The following EVC2 variants were observed in gnomAD, a reference collection of about 807,000 sequenced individuals.
EVC2 encodes the protein EvC ciliary complex subunit 2, also known as limbin.
EVC2 carries 148 observed loss-of-function variants against 149.3 expected under a neutral mutation model. The observed-to-expected ratio is 0.99, with a 90% CI of 0.87 to 1.14. The LOEUF (loss-of-function observed/expected upper bound fraction) is 1.14, where lower values mean the gene tolerates loss of function less well. EVC2 is among the 50% of genes most tolerant of loss of function. The pLI, the probability that EVC2 is intolerant of heterozygous loss-of-function variation, is 0.00. For missense variants in EVC2, 1,854 were observed against 1,627.3 expected, an observed-to-expected ratio of 1.14 and a Z score of -2.40; for synonymous variants, 776 against 649.9, an observed-to-expected ratio of 1.19 and a Z score of -2.95.
rs117138698 is a variant in EVC2 at position 5,700,912 on chromosome 4, T to C, written c.229-3265A>G. On this transcript the variant is annotated intron_variant, in intron 1 of 21. Coordinates refer to ENST00000344408, the MANE Select transcript of EVC2 (RefSeq NM_147127.5). ...CCATTCGATATGTGCTTATTGCAGC[T>C]TCCCGTGGCTGCTGTACACATCACT... 2.0e-4 allele frequency among the ~76,000 whole-genome samples: 31 copies of C among 152,338 alleles called. No homozygotes were observed. The East Asian group carries it at 5.2e-3, about 26-fold the overall frequency.
At chr4:5,544,253 A>C (rs1392369152) in intron 21 of EVC2, among the ~76,000 whole-genome samples, 1 of 152,144 alleles carries the variant, frequency 6.6e-6, no homozygotes, top group African/African-American at 2.4e-5. Flanking sequence ...GTTATGGAAA[A>C]AAAAAAAAAG....
intron 10 of EVC2, among the ~76,000 whole-genome samples, chr4:5,634,105 T>C (rs1716736191): frequency 6.6e-6 from 1 of 152,226 alleles, no homozygotes; most frequent in Admixed American, 6.5e-5. Flanking sequence ...TCAAAGGCTT[T>C]TATGTGCATC....
chr4:5,542,885 G>A (rs1721541748), exon 23 of EVC2: 1 of 320,354 alleles, frequency 3.1e-6, no homozygotes, highest in Non-Finnish European at 6.1e-6. Context: ...GCTCTCCCAG[G>A]CCCTTCCTTG....
At chr4:5,548,639 A>G (rs2108758266) in intron 21 of EVC2, among the ~76,000 whole-genome samples, 1 of 152,272 alleles carries the variant, frequency 6.6e-6, no homozygotes, top group South Asian at 2.1e-4. Flanking sequence ...GTGGTTGATT[A>G]TTGTTATGTG....
At chr4:5,535,461 G>A in the EVC2 span, among the ~76,000 whole-genome samples, 1 of 152,106 alleles carries the variant, frequency 6.6e-6, no homozygotes, top group African/African-American at 2.4e-5. The surrounding 1 kb of genome is among the most constrained non-coding windows in gnomAD (Gnocchi z 4.7). Flanking sequence ...AGGCACATAT[G>A]GTCTCAGTTG....
intron 9 of EVC2, among the ~76,000 whole-genome samples, chr4:5,651,219 A>G (rs1003642028): frequency 5.3e-5 from 8 of 149,722 alleles, no homozygotes; most frequent in Non-Finnish European, 1.0e-4. Flanking sequence ...GCTGGATGGA[A>G]GATTGGATGG....
At chr4:5,703,537 C>T (rs976742863) in intron 1 of EVC2, among the ~76,000 whole-genome samples, 5 of 152,198 alleles carry the variant, frequency 3.3e-5, no homozygotes, top group Admixed American at 2.6e-4. Flanking sequence ...AGAACTCACA[C>T]TTCTAGACTC....
intron 21 of EVC2, among the ~76,000 whole-genome samples, chr4:5,545,218 A>C (rs916826740): frequency 1.3e-5 from 2 of 152,158 alleles, no homozygotes; most frequent in African/African-American, 4.8e-5. Context: ...CATTGAACAA[A>C]CATTTACTGA....
At chr4:5,620,246 C>T (rs1715593877) in intron 14 of EVC2, among the ~76,000 whole-genome samples, 1 of 152,180 alleles carries the variant, frequency 6.6e-6, no homozygotes, top group Non-Finnish European at 1.5e-5. Flanking sequence ...GCTGATTACG[C>T]CGAATCCAAA....
chr4:5,562,287 C>T (rs936465994), downstream of EVC2: 3 of 205,852 alleles, frequency 1.5e-5, no homozygotes, highest in African/African-American at 2.3e-5. The surrounding 1 kb of genome is among the most constrained non-coding windows in gnomAD (Gnocchi z 4.3). Context: ...GAACTGGTGA[C>T]GGTAGACCCC....
chr4:5,607,700 A>T (rs150683406), intron 16 of EVC2, among the ~76,000 whole-genome samples: 1 of 152,272 alleles, frequency 6.6e-6, no homozygotes, highest in African/African-American at 2.4e-5. Context: ...CACTCATTCG[A>T]GGTAGAGTTA....
At position 5,622,292 on chromosome 4, in the gene EVC2, C is replaced by T. The variant is rs541516654; in HGVS notation, c.2501+245G>A. 5.9e-5 allele frequency among the ~76,000 whole-genome samples: 9 copies of T among 152,232 alleles called. No individual in the cohort carries two copies. The highest frequency in any genetic ancestry group is 2.2e-4 in the African/African-American group (9 of 41,540). The stretch of plus-strand genomic sequence containing the variant: ...TTTCCCCTGGAAGCCAGGGGCCACC[C>T]ATCCTCTTGTTACTACAAACCCTAT... On this transcript the variant is annotated intron_variant, in intron 14 of 21. Transcript: ENST00000344408. This position sits in a 1 kb window ranked among gnomAD's most constrained non-coding sequence, Gnocchi z 5.8.
intron 10 of EVC2, among the ~76,000 whole-genome samples, chr4:5,635,227 G>A (rs187993926): frequency 4.0e-5 from 6 of 151,868 alleles, no homozygotes; most frequent in Admixed American, 2.6e-4. Flanking sequence ...AGTAGAGGCG[G>A]GATTTCACCA....
At chr4:5,651,264 A>C (rs200239303) in intron 9 of EVC2, among the ~76,000 whole-genome samples, 1 of 151,118 alleles carries the variant, frequency 6.6e-6, no homozygotes, top group Non-Finnish European at 1.5e-5. Context: ...GGGTGGGTGG[A>C]TGGATATGCA....
At chr4:5,650,388 T>A (rs2108877683) in intron 9 of EVC2, among the ~76,000 whole-genome samples, 1 of 152,106 alleles carries the variant, frequency 6.6e-6, no homozygotes, top group East Asian at 1.9e-4. Context: ...GGGTGATATT[T>A]CATTATGTTT....
At chr4:5,685,252 A>G (rs757821960) in intron 6 of EVC2, 118 bp downstream of exon 6, 6 of 965,304 alleles carry the variant, frequency 6.2e-6, no homozygotes, top group Non-Finnish European at 1.0e-5. Flanking sequence ...CTTATCTGCT[A>G]GGTGGCATCA....
the EVC2 span, among the ~76,000 whole-genome samples, chr4:5,536,217 T>TA: frequency 8.5e-5 from 13 of 152,208 alleles, 1 homozygote; most frequent in South Asian, 2.1e-4. Context: ...TACTATTCTC[T>TA]AAAAAATGTG....
downstream of EVC2, among the ~76,000 whole-genome samples, chr4:5,538,741 G>A (rs1721462934): frequency 1.3e-5 from 2 of 151,970 alleles, no homozygotes; most frequent in African/African-American, 4.8e-5. Context: ...CCATCTCAAT[G>A]GGGAAAAAGC....
chr4:5,662,791 A>T (rs563161087), intron 9 of EVC2, among the ~76,000 whole-genome samples: 5 of 151,636 alleles, frequency 3.3e-5, no homozygotes, highest in African/African-American at 1.2e-4. Flanking sequence ...ACTTTCTCAG[A>T]AGTAATTACT....
Sources: gnomAD v4.1 joint callset for allele counts (sites outside exome capture counted in the v4.1 genomes callset) on GRCh38, gnomAD v4.1.1 for gene constraint, Gnocchi (gnomAD v3.1) non-coding constraint, MANE v1.5 for transcripts, NCBI Gene and HGNC (gene_info 2026-07-23, HGNC 2026-07-21) for gene names.